Variants in FBXO46 observed in about 807,000 individuals in gnomAD.
FBXO46 encodes F-box protein 46, also known as F-box only protein 46.
A neutral mutation model predicts 30.7 loss-of-function variants in FBXO46; 13 were observed. The observed-to-expected ratio is 0.42, with a 90% CI of 0.28 to 0.67. The LOEUF is 0.67. Among genes scored for constraint, FBXO46 ranks in the 30% least tolerant of loss-of-function variants. The pLI is 0.21. For missense variants in FBXO46, 754 were observed against 871.5 expected, an observed-to-expected ratio of 0.87 and a Z score of 1.70; for synonymous variants, 467 against 385.8, an observed-to-expected ratio of 1.21 and a Z score of -2.47.
chr19:45,728,145 C>T (rs912523612), intron 1 of FBXO46, among the ~76,000 whole-genome samples: 27 of 152,340 alleles, frequency 1.8e-4, no homozygotes, highest in Non-Finnish European at 3.4e-4. Context: ...TGGTCTTGAT[C>T]AAACTCTTGG....
In FBXO46 at chr19:45,712,566, CTGGTATAAGTCACA is replaced by C; in HGVS notation, c.916_929del (p.Cys306AlafsTer22). 6.3e-7 allele frequency: 1 copy of C among 1,594,006 alleles called. No homozygotes were observed. Among genetic ancestry groups the C allele is most frequent in the Non-Finnish European group, 8.6e-7 (1 of 1,169,160 alleles). On this transcript the variant is annotated frameshift_variant, in exon 2 of 2. Transcript: ENST00000317683. LOFTEE classifies it high-confidence loss of function. This position sits in a 1 kb window ranked among gnomAD's most constrained non-coding sequence, Gnocchi z 8.8. The stretch of plus-strand genomic sequence containing the variant: ...GGGCATCCCGCGAGGGGCTGATGAG[CTGGTATAAGTCACA>C]TGTGATCTTGTCCTTGGCTCGGGCC...
chr19:45,713,134 T>C lies in FBXO46; in HGVS notation c.362A>G (p.Lys121Arg). 1.2e-6 allele frequency: 2 copies of C among 1,613,278 alleles called. No homozygotes were observed. The highest frequency in any genetic ancestry group is 1.3e-5 in the African/African-American group (1 of 75,016). Residue 121 changes from lysine to arginine, a missense_variant, in exon 2 of 2, where the codon AAG becomes AGG. Lys to Arg is a conservative substitution (Grantham distance 26). This residue lies in a region of FBXO46 where 39 missense variants were observed against 56.5 expected (regional missense o/e 0.69). Coordinates refer to ENST00000317683, the MANE Select transcript of FBXO46 (RefSeq NM_001080469.2). This position sits in a 1 kb window ranked among gnomAD's most constrained non-coding sequence, Gnocchi z 4.7. The part of the protein sequence containing the change: ...GGSRASSMKV[K>R]GHWGSDSSKA... ...GGAGCTATCGCTGCCCCAGTGCCCC[T>C]TGACCTTCATGGAGCTGGCCCGGCT...
At chr19:45,721,138 A>T (rs1454480412) in intron 1 of FBXO46, among the ~76,000 whole-genome samples, 2 of 152,084 alleles carry the variant, frequency 1.3e-5, no homozygotes, top group Non-Finnish European at 2.9e-5. Flanking sequence ...CAGATCGCTT[A>T]AGCCAATGAA....
chr19:45,711,747 G>A lies in FBXO46; in HGVS notation c.1749C>T (p.Asn583=), dbSNP rs1421304340. 1.9e-6 allele frequency: 3 copies of A among 1,568,922 alleles called. No homozygotes were observed. In the South Asian group the frequency reaches 3.4e-5, roughly 18 times the overall value. Residue 583 remains asparagine (N), a synonymous_variant, in exon 2 of 2, where the codon AAC becomes AAT. Coordinates refer to ENST00000317683, the MANE Select transcript of FBXO46 (RefSeq NM_001080469.2). The part of the protein sequence containing the change: ...TPGCRLGLHD[N]NWVLPCNGPG... Reference sequence around the variant, plus strand: ...GCCCATTGCAGGGCAGCACCCAGTTGTTATCGTGGAGGCCCAGGCGGCAGC... The same window carrying A: ...GCCCATTGCAGGGCAGCACCCAGTTATTATCGTGGAGGCCCAGGCGGCAGC...
intron 1 of FBXO46, among the ~76,000 whole-genome samples, chr19:45,725,671 T>C (rs1256360573): frequency 6.6e-6 from 1 of 151,484 alleles, no homozygotes; most frequent in African/African-American, 2.4e-5. Context: ...GAGGTAGAGG[T>C]TGCAGGGAGC....
intron 1 of FBXO46, among the ~76,000 whole-genome samples, chr19:45,730,571 G>T (rs1968295088): frequency 6.6e-6 from 1 of 151,912 alleles, no homozygotes; most frequent in Non-Finnish European, 1.5e-5. Flanking sequence ...CCTCTACCTG[G>T]ATGTCCAGCC....
intron 1 of FBXO46, among the ~76,000 whole-genome samples, chr19:45,729,979 A>C (rs1005994269): frequency 1.3e-5 from 2 of 152,094 alleles, no homozygotes; most frequent in African/African-American, 4.8e-5. Flanking sequence ...TGAGACTGAA[A>C]CTTCACAGCC....
At chr19:45,732,071 CG>C (rs1555781878), upstream of FBXO46, among the ~76,000 whole-genome samples, 1 of 150,480 alleles carries the variant, frequency 6.6e-6, no homozygotes, top group Non-Finnish European at 1.5e-5. Context: ...GAGCCGAGAT[CG>C]CGCCACTGCA....
At chr19:45,724,946 GC>G (rs1211498497) in intron 1 of FBXO46, among the ~76,000 whole-genome samples, 1 of 152,096 alleles carries the variant, frequency 6.6e-6, no homozygotes, top group African/African-American at 2.4e-5. Flanking sequence ...AGGCCACTGT[GC>G]CCCATCAACA....
Position 45,718,539 on chromosome 19 carries a change from T to G in FBXO46, c.-78-4966A>C, listed in dbSNP as rs74916659. On this transcript the variant is annotated intron_variant, in intron 1 of 1. Transcript: ENST00000317683. ...CTCTTGCCTTCCCTGGTCTCTGCAT[T>G]TGCTGTTCCCACCAACTGCAATACA... 4.4e-3 allele frequency among the ~76,000 whole-genome samples: 677 copies of G among 152,232 alleles called. 10 individuals carry two copies. The highest frequency in any genetic ancestry group is 0.015 in the African/African-American group (616 of 41,524).
At chr19:45,722,759 C>CT (rs1011264309) in intron 1 of FBXO46, among the ~76,000 whole-genome samples, 11 of 116,402 alleles carry the variant, frequency 9.5e-5, no homozygotes, top group African/African-American at 3.2e-4. Flanking sequence ...CAGACTCCGT[C>CT]TCAAAAAAAA....
chr19:45,715,837 A>G (rs1390579281), intron 1 of FBXO46: 1 of 151,446 alleles, frequency 6.6e-6, no homozygotes, highest in Non-Finnish European at 1.5e-5. Context: ...GAAAGAAAAC[A>G]AAACAAAATC....
rs149809518 is a variant in FBXO46, at chr19:45,711,566, G to A, written c.*118C>T. On this transcript the variant is annotated 3_prime_UTR_variant, in exon 2 of 2. Coordinates refer to ENST00000317683, the MANE Select transcript of FBXO46 (RefSeq NM_001080469.2). ...TGCTGAACCCCAGCTCAGTTCCGGT[G>A]AGGGATCAATGCTGCCTGGAGTAGG... 8 of 820,670 alleles carry A rather than the reference G, an allele frequency of 9.7e-6. No individual in the cohort carries two copies. In the African/African-American group the frequency reaches 1.3e-4, roughly 14 times the overall value. The allele number at this position is 820,670 out of a possible 1,614,324, so 50.8% of individuals were successfully genotyped here.
At chr19:45,723,397 C>T (rs1024136543) in intron 1 of FBXO46, 5 of 152,078 alleles carry the variant, frequency 3.3e-5, no homozygotes, top group Admixed American at 6.6e-5. Flanking sequence ...GAATGAAACA[C>T]TTGTGGATTA....
intron 1 of FBXO46, among the ~76,000 whole-genome samples, chr19:45,727,143 G>C (rs1457945238): frequency 6.6e-6 from 1 of 152,086 alleles, no homozygotes; most frequent in Admixed American, 6.6e-5. Flanking sequence ...CAGCTACTCA[G>C]GAGGCTGAGG....
chr19:45,726,375 C>T (rs145213113), intron 1 of FBXO46, among the ~76,000 whole-genome samples: 38 of 152,062 alleles, frequency 2.5e-4, no homozygotes, highest in Non-Finnish European at 5.0e-4. Context: ...TGGCTGGGCA[C>T]GGTGGCTCAC....
At chr19:45,728,003 C>T (rs1968261943) in intron 1 of FBXO46, among the ~76,000 whole-genome samples, 1 of 152,174 alleles carries the variant, frequency 6.6e-6, no homozygotes, top group South Asian at 2.1e-4. Flanking sequence ...GTGGCACAAT[C>T]TTGGCTCACT....
At chr19:45,731,731 C>G (rs1326877703), upstream of FBXO46, among the ~76,000 whole-genome samples, 1 of 152,096 alleles carries the variant, frequency 6.6e-6, no homozygotes, top group Non-Finnish European at 1.5e-5. Context: ...CCACATCGCT[C>G]GAGCCCAGGA....
chr19:45,722,669 G>A lies in FBXO46; in HGVS notation c.-79+8180C>T, dbSNP rs1332960477. 3.3e-5 allele frequency among the ~76,000 whole-genome samples: 5 copies of A among 152,232 alleles called. No individual in the cohort carries two copies. The East Asian group carries it at 9.7e-4, about 29-fold the overall frequency. On this transcript the variant is annotated intron_variant, in intron 1 of 1. Transcript: ENST00000317683. ...CCCAGCTACTCAGGAGGCTGAGGCA[G>A]GAGAATGGCGTGAACCCGGGAGGCG...
Sources: allele counts gnomAD v4.1 joint callset (sites outside exome capture counted in the v4.1 genomes callset), GRCh38; gene constraint gnomAD v4.1.1; regional missense constraint gnomAD v4.1.1; non-coding constraint Gnocchi (gnomAD v3.1); transcripts MANE v1.5; gene names NCBI Gene and HGNC (gene_info 2026-07-23, HGNC 2026-07-21).